Variants in GLCE observed in about 807,000 individuals in gnomAD.
The protein encoded by GLCE is D-glucuronyl C5-epimerase.
GLCE carries 19 observed loss-of-function variants against 47.9 expected under a neutral mutation model. The observed-to-expected ratio is 0.40, with a 90% CI of 0.28 to 0.58. The LOEUF (loss-of-function observed/expected upper bound fraction) is 0.58. GLCE is among the 20% of genes least tolerant of loss of function. The pLI, the probability that GLCE is intolerant of heterozygous loss-of-function variation, is 0.48. For missense variants in GLCE, 556 were observed against 743.3 expected (o/e 0.75, Z 2.93); for synonymous variants, 245 against 263.4 (o/e 0.93, Z 0.68).
intron 1 of GLCE, among the ~76,000 whole-genome samples, chr15:69,161,566 C>T (rs554630908): frequency 5.3e-5 from 8 of 152,162 alleles, no homozygotes; most frequent in African/African-American, 9.7e-5. Flanking sequence ...GCGCTGGGTC[C>T]GCTGAGGGCG....
chr15:69,179,730 A>G (rs188812938), intron 1 of GLCE, among the ~76,000 whole-genome samples: 1 of 152,214 alleles, frequency 6.6e-6, no homozygotes, highest in Non-Finnish European at 1.5e-5. Context: ...CATGCCTGCA[A>G]TCCCAGCACT....
intron 2 of GLCE, among the ~76,000 whole-genome samples, chr15:69,251,339 A>T (rs2052841723): frequency 6.6e-6 from 1 of 152,200 alleles, no homozygotes; most frequent in African/African-American, 2.4e-5. Flanking sequence ...CCACTGAATT[A>T]GGGTATGACT....
rs57502520 is a variant in GLCE, at chr15:69,270,834, CA to C, written c.*1591del. 0.51 allele frequency: 77,457 copies of C among 152,024 alleles called. 23,323 individuals carry two copies. Among genetic ancestry groups the C allele is most frequent in the Admixed American group, 0.65 (9,994 of 15,274 alleles). 9.4% of individuals were successfully genotyped at this position (152,024 alleles called of 1,614,324 possible). A position where few individuals can be genotyped will look rare whatever the true frequency, so the allele number is the denominator to read the frequency against. On this transcript the variant is annotated 3_prime_UTR_variant, in exon 5 of 5. Coordinates refer to ENST00000261858, the MANE Select transcript of GLCE (RefSeq NM_015554.3). ...CTTGAACTCCCAATTGATGTGACCACACTCTTCTTAATTTTGTTCACAGTAA... is the reference window on the plus strand; with the variant it reads ...CTTGAACTCCCAATTGATGTGACCACCTCTTCTTAATTTTGTTCACAGTAA...
intron 1 of GLCE, among the ~76,000 whole-genome samples, chr15:69,180,665 A>G (rs910109600): frequency 2.0e-5 from 3 of 152,314 alleles, no homozygotes; most frequent in African/African-American, 7.2e-5. Context: ...GAAGCTTGTC[A>G]TTGGAGTTGA....
At chr15:69,244,488 C>T (rs1021020737) in intron 2 of GLCE, among the ~76,000 whole-genome samples, 10 of 152,100 alleles carry the variant, frequency 6.6e-5, no homozygotes, top group East Asian at 1.9e-4. Flanking sequence ...GAATTCAGTT[C>T]GCAGTCTAGT....
At chr15:69,182,269 T>TTGTGTGTG (rs34135980) in intron 1 of GLCE, among the ~76,000 whole-genome samples, 18 of 144,826 alleles carry the variant, frequency 1.2e-4, no homozygotes, top group African/African-American at 4.3e-4. Flanking sequence ...CATCGTGTAT[T>TTGTGTGTG]TGTGTGTGTG....
chr15:69,211,508 G>A (rs149769350), intron 2 of GLCE, among the ~76,000 whole-genome samples: 5 of 151,876 alleles, frequency 3.3e-5, no homozygotes, highest in Admixed American at 2.0e-4. Context: ...AAATGGAAAC[G>A]CTTACACTTG....
intron 1 of GLCE, among the ~76,000 whole-genome samples, chr15:69,177,026 C>CTT (rs767252296): frequency 5.1e-5 from 7 of 138,338 alleles, no homozygotes; most frequent in African/African-American, 1.1e-4. Flanking sequence ...TTCATATTTG[C>CTT]TTTTTTTTTT....
chr15:69,164,577 A>T (rs1275628380), intron 1 of GLCE, among the ~76,000 whole-genome samples: 1 of 151,220 alleles, frequency 6.6e-6, no homozygotes, highest in Non-Finnish European at 1.5e-5. Context: ...GTATAAAAAG[A>T]TACATATACA....
At chr15:69,216,546 ATACT>A (rs1739897952) in intron 2 of GLCE, among the ~76,000 whole-genome samples, 1 of 152,224 alleles carries the variant, frequency 6.6e-6, no homozygotes, top group Admixed American at 6.5e-5. Flanking sequence ...TTTAAGCCTG[ATACT>A]TACTATTTCT....
chr15:69,169,607 T>C (rs1321857142), intron 1 of GLCE, among the ~76,000 whole-genome samples: 1 of 145,874 alleles, frequency 6.9e-6, no homozygotes, highest in East Asian at 2.2e-4. Context: ...AGTGTTCTCA[T>C]TGTTCAATTC....
At chr15:69,180,256 C>G (rs1458362899) in intron 1 of GLCE, among the ~76,000 whole-genome samples, 1 of 152,070 alleles carries the variant, frequency 6.6e-6, no homozygotes, top group Non-Finnish European at 1.5e-5. Flanking sequence ...TGAAGGAGGG[C>G]TATGATTTTA....
chr15:69,198,309 A>G (rs1039079656), intron 1 of GLCE, among the ~76,000 whole-genome samples: 5 of 152,124 alleles, frequency 3.3e-5, no homozygotes, highest in African/African-American at 1.2e-4. Context: ...TATATTAGTT[A>G]CCCATTGTTG....
chr15:69,250,664 C>T (rs75870263), intron 2 of GLCE, among the ~76,000 whole-genome samples: 4,544 of 151,850 alleles, frequency 0.03, 244 homozygotes, highest in African/African-American at 0.1. Flanking sequence ...TCTCTACTCC[C>T]GGGAGGTCAT....
chr15:69,253,494 C>T (rs1184688958), intron 2 of GLCE, among the ~76,000 whole-genome samples: 2 of 152,068 alleles, frequency 1.3e-5, no homozygotes, highest in African/African-American at 4.8e-5. Flanking sequence ...GAATGAGTAA[C>T]CGAAGATCAC....
At chr15:69,227,973 A>G (rs916699596) in intron 2 of GLCE, among the ~76,000 whole-genome samples, 2 of 152,218 alleles carry the variant, frequency 1.3e-5, no homozygotes, top group Non-Finnish European at 2.9e-5. Flanking sequence ...AAATTGTCAC[A>G]TCAAGTATTT....
At chr15:69,179,006 G>A (rs563014717) in intron 1 of GLCE, among the ~76,000 whole-genome samples, 1 of 152,322 alleles carries the variant, frequency 6.6e-6, no homozygotes, top group African/African-American at 2.4e-5. Context: ...GCAGAGCAGT[G>A]TTTATGGTAT....
chr15:69,186,423 T>C (rs192999815), intron 1 of GLCE, among the ~76,000 whole-genome samples: 1 of 152,324 alleles, frequency 6.6e-6, no homozygotes, highest in Admixed American at 6.5e-5. Flanking sequence ...ATATGTATCA[T>C]AATGCTGCAG....
chr15:69,219,951 C>G (rs2052356844), intron 2 of GLCE, among the ~76,000 whole-genome samples: 1 of 152,062 alleles, frequency 6.6e-6, no homozygotes, highest in South Asian at 2.1e-4. Flanking sequence ...ATAAGTACCT[C>G]ATACAAATGG....
Sources: gnomAD v4.1 joint callset for allele counts (sites outside exome capture counted in the v4.1 genomes callset) on GRCh38, gnomAD v4.1.1 for gene constraint, MANE v1.5 for transcripts, NCBI Gene and HGNC (gene_info 2026-07-23, HGNC 2026-07-21) for gene names.